The following LRRC20 variants were observed in gnomAD, a reference collection of about 807,000 sequenced individuals.
LRRC20 encodes the protein leucine rich repeat containing 20, also known as leucine-rich repeat-containing protein 20.
Under a neutral mutation model 14.4 loss-of-function variants are expected in LRRC20, and 11 were observed. That is an observed-to-expected ratio of 0.77 (90% CI 0.48 to 1.27). The LOEUF is 1.27. LRRC20 is among the 50% of genes most tolerant of loss of function. The pLI, the probability that LRRC20 is intolerant of heterozygous loss-of-function variation, is 0.00. For missense variants in LRRC20, 219 were observed against 251.2 expected, an observed-to-expected ratio of 0.87 and a Z score of 0.87; for synonymous variants, 121 against 107.3, an observed-to-expected ratio of 1.13 and a Z score of -0.79.
intron 2 of LRRC20, among the ~76,000 whole-genome samples, chr10:70,369,452 C>T (rs1425440766): frequency 2.6e-5 from 4 of 152,058 alleles, no homozygotes; most frequent in African/African-American, 9.7e-5. Flanking sequence ...ACTGCAAAAG[C>T]AAAGCAGGAG....
chr10:70,335,394 C>T (rs1441163163), intron 3 of LRRC20, among the ~76,000 whole-genome samples: 1 of 152,208 alleles, frequency 6.6e-6, no homozygotes, highest in African/African-American at 2.4e-5. Context: ...GTCCGCCCGC[C>T]CGCGCCCACA....
At chr10:70,338,763 C>T (rs1046736172) in intron 3 of LRRC20, among the ~76,000 whole-genome samples, 4 of 152,152 alleles carry the variant, frequency 2.6e-5, no homozygotes, top group Admixed American at 6.5e-5. Flanking sequence ...CGGGTTCAAG[C>T]GATTCTCCTG....
intron 2 of LRRC20, among the ~76,000 whole-genome samples, chr10:70,343,539 G>A (rs1301886976): frequency 6.6e-6 from 1 of 152,218 alleles, no homozygotes; most frequent in Non-Finnish European, 1.5e-5. Flanking sequence ...TGGCAGGAGA[G>A]ACTGCTAAAT....
At chr10:70,327,999 G>A (rs558553471) in intron 3 of LRRC20, among the ~76,000 whole-genome samples, 4 of 152,312 alleles carry the variant, frequency 2.6e-5, no homozygotes, top group African/African-American at 9.6e-5. Flanking sequence ...ATCCTTGCTT[G>A]TTCAGTGGCC....
intron 3 of LRRC20, among the ~76,000 whole-genome samples, chr10:70,325,927 T>C (rs1043765096): frequency 6.6e-6 from 1 of 152,130 alleles, no homozygotes; most frequent in Non-Finnish European, 1.5e-5. Context: ...ATGATTTTAA[T>C]GCTCTCATAA....
chr10:70,302,945 C>A (rs1463962337), intron 4 of LRRC20, among the ~76,000 whole-genome samples: 1 of 151,762 alleles, frequency 6.6e-6, no homozygotes, highest in Non-Finnish European at 1.5e-5. Context: ...CTCCTGACCT[C>A]GTGATCCGCC....
chr10:70,337,242 C>T (rs538879727), intron 3 of LRRC20, among the ~76,000 whole-genome samples: 2 of 152,342 alleles, frequency 1.3e-5, no homozygotes, highest in South Asian at 4.1e-4. Context: ...ATTTAAGCCT[C>T]CTCTTCACAC....
At chr10:70,324,104 T>A in intron 3 of LRRC20, 74 bp from the exon 4 acceptor site, 1 of 1,434,558 alleles carries the variant, frequency 7.0e-7, no homozygotes, top group Non-Finnish European at 9.7e-7. Flanking sequence ...CTGCCCGCTG[T>A]GGCTCTCACC....
chr10:70,368,102 G>T (rs571142826), intron 2 of LRRC20, among the ~76,000 whole-genome samples: 1 of 149,850 alleles, frequency 6.7e-6, no homozygotes, highest in African/African-American at 2.5e-5. Context: ...TCCAGCTTCA[G>T]CCTCTCAAGT....
At chr10:70,321,882 GAAGT>G (rs1258951415) in intron 4 of LRRC20, among the ~76,000 whole-genome samples, 5 of 152,206 alleles carry the variant, frequency 3.3e-5, no homozygotes, top group African/African-American at 4.8e-5. Flanking sequence ...TTCTTGGTAA[GAAGT>G]AAGATGCTTC....
chr10:70,337,467 GAGA>G (rs574377579), intron 3 of LRRC20, among the ~76,000 whole-genome samples: 137 of 152,342 alleles, frequency 9.0e-4, no homozygotes, highest in Admixed American at 3.1e-3. Flanking sequence ...ACTGGCAGCA[GAGA>G]AGGAGTTCAA....
intron 3 of LRRC20, among the ~76,000 whole-genome samples, chr10:70,324,245 A>C (rs2136951424): frequency 6.6e-6 from 1 of 152,106 alleles, no homozygotes; most frequent in African/African-American, 2.4e-5. Context: ...GCCACCTGTC[A>C]CTCCAGCTGA....
intron 1 of LRRC20, among the ~76,000 whole-genome samples, chr10:70,377,265 G>C (rs565778344): frequency 6.6e-6 from 1 of 152,180 alleles, no homozygotes; most frequent in African/African-American, 2.4e-5. Flanking sequence ...CAAGAAAAGC[G>C]GGCAGGGGCC....
chr10:70,376,704 G>C (rs1171506368), intron 1 of LRRC20, 108 bp from the exon 2 acceptor site: 10 of 627,596 alleles, frequency 1.6e-5, no homozygotes, highest in Non-Finnish European at 1.1e-5. Context: ...CAGGAAGCCT[G>C]CAGGGAGGGC....
At chr10:70,361,132 A>T (rs1843705433) in intron 2 of LRRC20, among the ~76,000 whole-genome samples, 1 of 152,152 alleles carries the variant, frequency 6.6e-6, no homozygotes, top group South Asian at 2.1e-4. Flanking sequence ...ATCTCAGCAC[A>T]AGATTTTAAG....
In LRRC20 at chr10:70,358,873, G is replaced by A. The variant is rs531239487; in HGVS notation, c.82+17579C>T. ...ATGTAGGGGCACAGGCAGCCTCTGC[G>A]GACCACCCCTCGCACCCAGTACAGC... is the stretch of plus-strand genomic sequence containing the variant. On this transcript the variant is annotated intron_variant, in intron 2 of 4. Coordinates refer to ENST00000446961, the MANE Select transcript of LRRC20 (RefSeq NM_001278212.2). 2.3e-4 allele frequency among the ~76,000 whole-genome samples: 35 copies of A among 152,266 alleles called. 1 individual carries two copies. Among genetic ancestry groups the A allele is most frequent in the Middle Eastern group, 6.8e-3 (2 of 294 alleles).
intron 4 of LRRC20, among the ~76,000 whole-genome samples, chr10:70,310,611 C>T (rs1841616098): frequency 6.6e-6 from 1 of 152,218 alleles, no homozygotes; most frequent in Non-Finnish European, 1.5e-5. Flanking sequence ...ACACAAAGCA[C>T]AGTGCTCACG....
chr10:70,312,710 C>G (rs1046363033), intron 4 of LRRC20, among the ~76,000 whole-genome samples: 4 of 152,210 alleles, frequency 2.6e-5, no homozygotes, highest in African/African-American at 9.7e-5. Context: ...TGTGCACCCT[C>G]AGGCAAGCCC....
intron 2 of LRRC20, among the ~76,000 whole-genome samples, chr10:70,353,761 C>T (rs1843415288): frequency 6.6e-6 from 1 of 152,132 alleles, no homozygotes; most frequent in Non-Finnish European, 1.5e-5. Flanking sequence ...TAAGGGTTTG[C>T]TCCTAACCAC....
Sources: allele counts gnomAD v4.1 joint callset (sites outside exome capture counted in the v4.1 genomes callset), GRCh38; gene constraint gnomAD v4.1.1; transcripts MANE v1.5; gene names NCBI Gene and HGNC (gene_info 2026-07-23, HGNC 2026-07-21).